CHL1: variants seen among roughly 807,000 people sequenced by gnomAD.
CHL1 encodes the protein neural cell adhesion molecule L1-like protein.
Under a neutral mutation model 141.9 loss-of-function variants are expected in CHL1, and 96 were observed. The observed-to-expected ratio is 0.68, with a 90% CI of 0.57 to 0.80. The LOEUF is 0.80. CHL1 is among the 30% of genes least tolerant of loss of function. CHL1 has a pLI of 0.00. For missense variants in CHL1, 1,820 were observed against 1,457.2 expected (o/e 1.25, Z -4.05); for synonymous variants, 613 against 502.2 (o/e 1.22, Z -2.95).
chr3:239,606 A>AT (rs1692358033), intron 1 of CHL1, among the ~76,000 whole-genome samples: 1 of 139,356 alleles, frequency 7.2e-6, no homozygotes, highest in Non-Finnish European at 1.6e-5. Context: ...AAATATATAT[A>AT]TTTTAAAATT....
At chr3:276,002 G>T (rs1186950255) in intron 2 of CHL1, among the ~76,000 whole-genome samples, 1 of 151,714 alleles carries the variant, frequency 6.6e-6, no homozygotes, top group Non-Finnish European at 1.5e-5. Context: ...TGTTTAAGAA[G>T]GTAATTTTTG....
intron 2 of CHL1, among the ~76,000 whole-genome samples, chr3:313,956 T>TTAAGC (rs1340868920): frequency 1.4e-3 from 214 of 152,310 alleles, no homozygotes; most frequent in African/African-American, 4.8e-3. Flanking sequence ...AGCAATGAGT[T>TTAAGC]ACATTAGTTG....
At chr3:269,887 T>G (rs1050284056) in intron 2 of CHL1, among the ~76,000 whole-genome samples, 2 of 151,820 alleles carry the variant, frequency 1.3e-5, no homozygotes, top group Non-Finnish European at 2.9e-5. Context: ...TCTAAGGGGG[T>G]TGGTAACAGG....
At chr3:400,864 T>C (rs913054268) in intron 26 of CHL1, among the ~76,000 whole-genome samples, 1 of 150,792 alleles carries the variant, frequency 6.6e-6, no homozygotes, top group African/African-American at 2.4e-5. Flanking sequence ...TGCAACAATT[T>C]TGAGTAAGAG....
At chr3:198,314 C>T (rs1473355062) in intron 1 of CHL1, among the ~76,000 whole-genome samples, 1 of 151,976 alleles carries the variant, frequency 6.6e-6, no homozygotes. Context: ...AGCCCCAGGG[C>T]CGGCGAGCGG....
At chr3:203,495 C>G (rs951252499) in intron 1 of CHL1, among the ~76,000 whole-genome samples, 4 of 152,200 alleles carry the variant, frequency 2.6e-5, no homozygotes, top group African/African-American at 9.7e-5. Context: ...TATATAGATC[C>G]TACTCCAAAG....
chr3:226,971 T>C (rs1283919287), intron 1 of CHL1, among the ~76,000 whole-genome samples: 2 of 152,216 alleles, frequency 1.3e-5, no homozygotes, highest in East Asian at 3.8e-4. Flanking sequence ...AAAGCTGAAA[T>C]GCATGGCAGA....
At chr3:354,496 A>G in intron 10 of CHL1, 144 bp from the exon 11 acceptor site, 2 of 860,324 alleles carry the variant, frequency 2.3e-6, no homozygotes, top group Non-Finnish European at 3.5e-6. Context: ...CTTGCTTTGC[A>G]GAGCAAGTTT....
At chr3:297,664 C>T (rs1339755087) in intron 2 of CHL1, among the ~76,000 whole-genome samples, 2 of 152,116 alleles carry the variant, frequency 1.3e-5, no homozygotes, top group African/African-American at 4.8e-5. Context: ...AAGTACTTGT[C>T]CTGATAGAAC....
intron 1 of CHL1, among the ~76,000 whole-genome samples, chr3:242,572 GGT>G (rs1574835496): frequency 1.3e-5 from 2 of 151,096 alleles, no homozygotes; most frequent in East Asian, 1.9e-4. Context: ...CTCCAGCCTG[GGT>G]AACAGAGTGG....
chr3:385,825 C>G (rs1444794937), intron 19 of CHL1: 1 of 48,336 alleles, frequency 2.1e-5, no homozygotes, highest in African/African-American at 6.2e-5. Context: ...GAGACTCTGT[C>G]TCAAAAAAAA....
chr3:402,164 T>C (rs936700027), intron 27 of CHL1, among the ~76,000 whole-genome samples: 1 of 152,148 alleles, frequency 6.6e-6, no homozygotes, highest in Non-Finnish European at 1.5e-5. Flanking sequence ...ATGAATTAAA[T>C]AGAATAAAAG....
intron 5 of CHL1, among the ~76,000 whole-genome samples, chr3:337,708 T>A (rs1458096000): frequency 6.6e-6 from 1 of 152,232 alleles, no homozygotes; most frequent in Non-Finnish European, 1.5e-5. Flanking sequence ...ATCATTTTTA[T>A]GGCTTCATAG....
intron 2 of CHL1, among the ~76,000 whole-genome samples, chr3:311,983 G>C (rs1411539570): frequency 2.0e-5 from 3 of 152,092 alleles, no homozygotes; most frequent in African/African-American, 7.2e-5. Context: ...ATTTGAATTA[G>C]ATGTCATTAC....
intron 2 of CHL1, chr3:248,383 T>A (rs1386956017): frequency 6.6e-6 from 1 of 152,102 alleles, no homozygotes; most frequent in Non-Finnish European, 1.5e-5. Flanking sequence ...GAATGAGCAC[T>A]ATATGAAGAA....
chr3:220,703 A>C (rs562354626), intron 1 of CHL1, among the ~76,000 whole-genome samples: 1 of 152,180 alleles, frequency 6.6e-6, no homozygotes. Flanking sequence ...AAAAAGACTC[A>C]CAATGAGAAA....
chr3:210,560 C>G (rs1289359234), intron 1 of CHL1, among the ~76,000 whole-genome samples: 1 of 152,236 alleles, frequency 6.6e-6, no homozygotes, highest in Non-Finnish European at 1.5e-5. Context: ...ACTTTTCACA[C>G]AGTGACTCAG....
intron 15 of CHL1, among the ~76,000 whole-genome samples, chr3:372,225 C>T (rs1281190545): frequency 6.6e-6 from 1 of 152,106 alleles, no homozygotes. Context: ...CCATTCTACC[C>T]ATCTCCTTCA....
intron 23 of CHL1, 43 bp downstream of exon 23, chr3:391,840 T>A (rs1422437311): frequency 1.3e-6 from 2 of 1,497,780 alleles, no homozygotes; most frequent in Non-Finnish European, 1.8e-6. Flanking sequence ...TAATGTTTCA[T>A]TTTTTGGTTG....
Sources: allele counts gnomAD v4.1 joint callset (sites outside exome capture counted in the v4.1 genomes callset), GRCh38; gene constraint gnomAD v4.1.1; transcripts MANE v1.5; gene names NCBI Gene and HGNC (gene_info 2026-07-23, HGNC 2026-07-21).